LHPP: variants seen among roughly 807,000 people sequenced by gnomAD.
The protein encoded by LHPP is phospholysine phosphohistidine inorganic pyrophosphate phosphatase.
A neutral mutation model predicts 30.3 loss-of-function variants in LHPP; 24 were observed. The ratio of observed to expected loss-of-function variants is 0.79; its 90% CI spans 0.57 to 1.11. The LOEUF (loss-of-function observed/expected upper bound fraction) is 1.11, where lower values mean the gene tolerates loss of function less well. LHPP is among the 50% of genes most tolerant of loss of function. LHPP has a pLI of 0.00. For missense variants in LHPP, 356 were observed against 367.2 expected (o/e 0.97, Z 0.25); for synonymous variants, 150 against 157.1 (o/e 0.95, Z 0.34).
chr10:124,589,177 C>T (rs182577384), intron 6 of LHPP, among the ~76,000 whole-genome samples: 39 of 152,334 alleles, frequency 2.6e-4, no homozygotes, highest in African/African-American at 8.7e-4. Flanking sequence ...GGGGACAGTC[C>T]GTGCAGAAAT....
intron 1 of LHPP, among the ~76,000 whole-genome samples, chr10:124,471,237 C>T (rs1352356867): frequency 2.6e-5 from 4 of 151,008 alleles, no homozygotes; most frequent in Admixed American, 6.7e-5. Context: ...TGAATGCCAC[C>T]GCCCCACCAT....
At chr10:124,532,706 C>T (rs1954928702) in intron 6 of LHPP, among the ~76,000 whole-genome samples, 2 of 152,246 alleles carry the variant, frequency 1.3e-5, no homozygotes, top group Admixed American at 1.3e-4. Context: ...CTCTTCCAAG[C>T]CTCTTGGGTA....
chr10:124,549,246 G>T (rs1012657971), intron 6 of LHPP, among the ~76,000 whole-genome samples: 5 of 152,084 alleles, frequency 3.3e-5, no homozygotes, highest in Admixed American at 1.3e-4. Context: ...GACCAGCCTG[G>T]GCAACATAGT....
intron 1 of LHPP, among the ~76,000 whole-genome samples, chr10:124,481,420 A>C (rs1425704276): frequency 2.5e-5 from 3 of 119,798 alleles, no homozygotes; most frequent in African/African-American, 9.8e-5. Flanking sequence ...TGTGTGACCC[A>C]GGCTGGAGGG....
chr10:124,484,410 T>TG, intron 2 of LHPP, 84 bp downstream of exon 2: 1 of 1,332,318 alleles, frequency 7.5e-7, no homozygotes, highest in South Asian at 1.3e-5. Flanking sequence ...CCTCTTTCAC[T>TG]GGGCCAAACC....
Position 124,610,974 on chromosome 10 carries a change from AGGGTGCTGGTGGAGC to A in LHPP, c.717-2284_717-2270del, listed in dbSNP as rs1208011856. 4.2e-4 allele frequency among the ~76,000 whole-genome samples: 23 copies of A among 54,470 alleles called. 1 individual carries two copies. The highest frequency in any genetic ancestry group is 1.6e-3 in the African/African-American group (23 of 14,152). The allele number at this position is 54,470 out of a possible 152,430, so 35.7% of individuals were successfully genotyped here. On this transcript the variant is annotated intron_variant, in intron 6 of 6. Coordinates refer to ENST00000368842, the MANE Select transcript of LHPP (RefSeq NM_022126.4). Reference sequence around the variant, plus strand: ...GATGGAGCGGGTGAGGGTGCGGGTGAGGGTGCTGGTGGAGCGGGTGAGGGTGTTAATGAAGCGGGT... The same window carrying A: ...GATGGAGCGGGTGAGGGTGCGGGTGAGGGTGAGGGTGTTAATGAAGCGGGT...
chr10:124,532,261 T>G (rs1234130249), intron 6 of LHPP, among the ~76,000 whole-genome samples: 1 of 152,270 alleles, frequency 6.6e-6, no homozygotes, highest in African/African-American at 2.4e-5. Flanking sequence ...TGGAGGGCAC[T>G]GTTTAGAATC....
At chr10:124,578,722 G>A (rs1948703238) in intron 6 of LHPP, among the ~76,000 whole-genome samples, 1 of 152,226 alleles carries the variant, frequency 6.6e-6, no homozygotes, top group South Asian at 2.1e-4. Flanking sequence ...CCACGCGTCA[G>A]AAGCTAGCAG....
rs989469376 is a variant in LHPP at position 124,590,340 on chromosome 10, C to A, written c.717-22924C>A. The stretch of plus-strand genomic sequence containing the variant: ...CTCGACTGCGGGGAAGTGCTGGAAC[C>A]CTCCGCACGAGGGCAACCTTTCTTG... On this transcript the variant is annotated intron_variant, in intron 6 of 6. Coordinates refer to ENST00000368842, the MANE Select transcript of LHPP (RefSeq NM_022126.4). This position sits in a 1 kb window ranked among gnomAD's most constrained non-coding sequence, Gnocchi z 4.3. Among the ~76,000 whole-genome samples, 3 of 152,184 alleles carry A rather than the reference C, an allele frequency of 2.0e-5. No individual in the cohort carries two copies. Among genetic ancestry groups the A allele is most frequent in the African/African-American group, 7.2e-5 (3 of 41,442 alleles).
chr10:124,497,292 TCCTCC>T (rs764734017), intron 4 of LHPP, among the ~76,000 whole-genome samples: 50,607 of 91,770 alleles, frequency 0.55, 11,331 homozygotes, highest in Middle Eastern at 0.62. Context: ...ATCCTCCCCA[TCCTCC>T]AGTGGGCGCA....
intron 6 of LHPP, among the ~76,000 whole-genome samples, chr10:124,553,750 C>T (rs533392148): frequency 1.3e-5 from 2 of 152,376 alleles, no homozygotes; most frequent in African/African-American, 4.8e-5. Flanking sequence ...TGAGCCACCA[C>T]GCCCGGCCTA....
At chr10:124,566,896 C>A (rs1290618216) in intron 6 of LHPP, among the ~76,000 whole-genome samples, 2 of 152,240 alleles carry the variant, frequency 1.3e-5, no homozygotes, top group East Asian at 3.8e-4. Context: ...GCTGGTCGCA[C>A]ATCCCTGTGA....
At chr10:124,473,905 A>T (rs1319913163) in intron 1 of LHPP, among the ~76,000 whole-genome samples, 1 of 152,138 alleles carries the variant, frequency 6.6e-6, no homozygotes, top group African/African-American at 2.4e-5. Flanking sequence ...CTGAGATTGC[A>T]CCACTGCACT....
chr10:124,519,829 GTTTC>G (rs760458958), intron 6 of LHPP, among the ~76,000 whole-genome samples: 5 of 151,190 alleles, frequency 3.3e-5, no homozygotes, highest in Admixed American at 6.6e-5. Context: ...TTTTTTCTTT[GTTTC>G]TTTCTTTTTT....
rs1424001249 is a variant in LHPP, at chr10:124,523,402, C to T, written c.716+6131C>T. On this transcript the variant is annotated intron_variant, in intron 6 of 6. Transcript: ENST00000368842. The surrounding 1 kb of genome is among the most constrained non-coding windows in gnomAD (Gnocchi z 4.2). ...TGCATGGCTGTGGAGCTGGCTGCGTCGGGAGGGAGAGTGCCCCCACGCCTG... is the reference window on the plus strand; with the variant it reads ...TGCATGGCTGTGGAGCTGGCTGCGTTGGGAGGGAGAGTGCCCCCACGCCTG... Among the ~76,000 whole-genome samples the T allele has an allele frequency of 2.6e-5, 4 of 152,300 alleles. No individual in the cohort carries two copies. The highest frequency in any genetic ancestry group is 3.9e-4 in the East Asian group (2 of 5,174).
At chr10:124,606,022 G>A (rs1254257693) in intron 6 of LHPP, among the ~76,000 whole-genome samples, 3 of 152,190 alleles carry the variant, frequency 2.0e-5, no homozygotes, top group African/African-American at 7.2e-5. Context: ...GACCCACCCT[G>A]CAGGCTCCTG....
intron 6 of LHPP, among the ~76,000 whole-genome samples, chr10:124,569,761 G>C (rs1302040107): frequency 1.3e-5 from 2 of 152,192 alleles, no homozygotes; most frequent in African/African-American, 4.8e-5. Flanking sequence ...AGCCGAGATG[G>C]GGTTGATGAG....
At chr10:124,539,501 T>A (rs531902189) in intron 6 of LHPP, among the ~76,000 whole-genome samples, 1 of 151,876 alleles carries the variant, frequency 6.6e-6, no homozygotes, top group East Asian at 2.0e-4. Flanking sequence ...TGGCTCATGC[T>A]TGTAATCCCA....
Position 124,576,632 on chromosome 10 carries a change from A to G in LHPP, c.717-36632A>G, listed in dbSNP as rs1255091655. On this transcript the variant is annotated intron_variant, in intron 6 of 6. Coordinates refer to ENST00000368842, the MANE Select transcript of LHPP (RefSeq NM_022126.4). The surrounding 1 kb of genome is among the most constrained non-coding windows in gnomAD (Gnocchi z 4.2). ...TGGTCTGCCCCCAGGCCTGCTGGTA[A>G]TATGGGATACAGAGGTCTCCTCACT... 6.6e-6 allele frequency among the ~76,000 whole-genome samples: 1 copy of G among 151,914 alleles called. No homozygotes were observed. Among genetic ancestry groups the G allele is most frequent in the African/African-American group, 2.4e-5 (1 of 41,350 alleles).
Sources: gnomAD v4.1 joint callset for allele counts (sites outside exome capture counted in the v4.1 genomes callset) on GRCh38, gnomAD v4.1.1 for gene constraint, Gnocchi (gnomAD v3.1) non-coding constraint, MANE v1.5 for transcripts, NCBI Gene and HGNC (gene_info 2026-07-23, HGNC 2026-07-21) for gene names.